The following TRAM2 variants were observed in gnomAD, a reference collection of about 807,000 sequenced individuals.
TRAM2 encodes the protein translocation associated membrane protein 2, also known as translocating chain-associated membrane protein 2.
Under a neutral mutation model 51.0 loss-of-function variants are expected in TRAM2, and 12 were observed. The observed-to-expected ratio is 0.24, with a 90% CI of 0.15 to 0.38. The LOEUF is 0.38. Ranked by LOEUF, TRAM2 falls within the 10% of genes least tolerant of loss-of-function variation. The probability of loss-of-function intolerance (pLI) is 1.00; values close to 1 mark genes in which losing one functional copy is unlikely to be tolerated. For synonymous variants in TRAM2, 175 were observed against 179.4 expected (o/e 0.98, Z 0.20); for missense variants, 361 against 462.0 (o/e 0.78, Z 2.00).
chr6:52,505,872 G>T, intron 8 of TRAM2, 130 bp from the exon 9 acceptor site: 1 of 1,414,756 alleles, frequency 7.1e-7, no homozygotes, highest in Non-Finnish European at 9.6e-7. Context: ...TGAGGGACGA[G>T]ATATCTAAAA....
rs754674541 is a variant in TRAM2, at chr6:52,504,717, A to C, written c.913T>G (p.Trp305Gly). The stretch of plus-strand genomic sequence containing the variant: ...GAGTGGATGAAGCGCCACATGAGCC[A>C]GGCCTGGGCGGCACACACCAGCAGC... Reference protein sequence around the residue: ...VLLLVCAAQAWLMWRFIHSQL... With the variant: ...VLLLVCAAQAGLMWRFIHSQL... Residue 305 changes from tryptophan (W) to glycine (G), a missense_variant, in exon 10 of 11, where the codon TGG becomes GGG. Coordinates refer to ENST00000182527, the MANE Select transcript of TRAM2 (RefSeq NM_012288.4). The C allele has an allele frequency of 2.5e-6, 4 of 1,611,122 alleles. No individual in the cohort carries two copies.
In TRAM2 at chr6:52,502,091, G is replaced by C. The variant is rs1766241655; in HGVS notation, c.*1106C>G. The C allele has an allele frequency of 6.6e-6, 1 of 152,348 alleles. No individual in the cohort carries two copies. Among genetic ancestry groups the C allele is most frequent in the Non-Finnish European group, 1.5e-5 (1 of 68,106 alleles). 9.4% of individuals were successfully genotyped at this position (152,348 alleles called of 1,614,324 possible). ...AAAGAACACTCAACAAGGGCGGCCA[G>C]ATGAACAGCGGTCCAAGTGACCCTC... On this transcript the variant is annotated 3_prime_UTR_variant, in exon 11 of 11. Transcript: ENST00000182527.
chr6:52,559,340 G>C (rs974966272), intron 1 of TRAM2, among the ~76,000 whole-genome samples: 1 of 152,162 alleles, frequency 6.6e-6, no homozygotes, highest in African/African-American at 2.4e-5. Context: ...TCTAGGGCGA[G>C]TGACTTGAAT....
chr6:52,501,923 T>C lies in TRAM2; in HGVS notation c.*1274A>G, dbSNP rs1324900611. ...GCACCAAAAGGACTTGGAGGCCTTC[T>C]CTTCAGGTGGAGGGGAGGGGAAAGA... On this transcript the variant is annotated 3_prime_UTR_variant, in exon 11 of 11. Transcript: ENST00000182527. The C allele has an allele frequency of 6.6e-6, 1 of 152,098 alleles. No individual in the cohort carries two copies. The highest frequency in any genetic ancestry group is 1.9e-4 in the East Asian group (1 of 5,198). 9.4% of individuals were successfully genotyped at this position (152,098 alleles called of 1,614,324 possible).
intron 4 of TRAM2, 78 bp from the exon 5 acceptor site, chr6:52,509,664 C>G: frequency 1.5e-6 from 2 of 1,328,752 alleles, no homozygotes; most frequent in Non-Finnish European, 2.2e-6. Flanking sequence ...GTCCAGGGGT[C>G]AGGGATGCAT....
At chr6:52,556,609 G>A (rs188604794) in intron 1 of TRAM2, among the ~76,000 whole-genome samples, 235 of 151,970 alleles carry the variant, frequency 1.5e-3, no homozygotes, top group Non-Finnish European at 2.3e-3. Context: ...AACAGTCTTC[G>A]TGGGTCAGGC....
intron 1 of TRAM2, among the ~76,000 whole-genome samples, chr6:52,571,450 G>A (rs947859428): frequency 2.6e-5 from 4 of 152,308 alleles, no homozygotes; most frequent in Non-Finnish European, 5.9e-5. Flanking sequence ...CAGCGCCCTC[G>A]AGAAACGAGT....
chr6:52,576,167 G>T (rs1201626797), intron 1 of TRAM2, among the ~76,000 whole-genome samples: 1 of 152,284 alleles, frequency 6.6e-6, no homozygotes. Context: ...GACAGTTCAC[G>T]GAGTGGTAAA....
In TRAM2 at chr6:52,504,691, G is replaced by A; in HGVS notation, c.939C>T (p.Ser313=). 6.2e-7 allele frequency: 1 copy of A among 1,613,322 alleles called. No individual in the cohort carries two copies. The highest frequency in any genetic ancestry group is 8.5e-7 in the Non-Finnish European group (1 of 1,179,846). The change falls in exon 10 of 11, where the codon TCC becomes TCT. Residue 313 remains serine (S), a synonymous_variant. Coordinates refer to ENST00000182527, the MANE Select transcript of TRAM2 (RefSeq NM_012288.4). ...QAWLMWRFIH[S]QLRHWREYWN... ...AGTATTCCCGCCAGTGCCGCAGCTGGGAGTGGATGAAGCGCCACATGAGCC... is the reference window on the plus strand; with the variant it reads ...AGTATTCCCGCCAGTGCCGCAGCTGAGAGTGGATGAAGCGCCACATGAGCC...
At chr6:52,529,053 G>C (rs1044561544) in intron 2 of TRAM2, among the ~76,000 whole-genome samples, 2 of 152,050 alleles carry the variant, frequency 1.3e-5, no homozygotes, top group African/African-American at 2.4e-5. Context: ...ACCACGCCCG[G>C]CTAATTTTTT....
intron 4 of TRAM2, among the ~76,000 whole-genome samples, chr6:52,512,214 A>C (rs751167092): frequency 2.8e-4 from 42 of 152,222 alleles, no homozygotes; most frequent in Non-Finnish European, 4.8e-4. Context: ...AGCAGCACTG[A>C]GAGCAATGTA....
chr6:52,563,426 G>C (rs1767532664), intron 1 of TRAM2, among the ~76,000 whole-genome samples: 1 of 152,086 alleles, frequency 6.6e-6, no homozygotes, highest in Non-Finnish European at 1.5e-5. Context: ...CCAATAAAAA[G>C]TGGTTACTTG....
chr6:52,521,048 G>A (rs985341768), intron 2 of TRAM2, among the ~76,000 whole-genome samples: 4 of 151,866 alleles, frequency 2.6e-5, no homozygotes, highest in Admixed American at 2.0e-4. Flanking sequence ...GATTACAGGC[G>A]CGGGCCACCA....
rs1562492894 is a variant in TRAM2 at position 52,576,940 on chromosome 6, G to C, written c.-25C>G. On this transcript the variant is annotated 5_prime_UTR_variant, in exon 1 of 11. Transcript: ENST00000182527. Reference sequence around the variant, plus strand: ...TGGCAGCGGGCGCGCAGCGGCCGGCGGGGCCCGCACCCTGCGCTCACGAAC... The same window carrying C: ...TGGCAGCGGGCGCGCAGCGGCCGGCCGGGCCCGCACCCTGCGCTCACGAAC... 1 of 1,595,914 alleles carries C rather than the reference G, an allele frequency of 6.3e-7. No individual in the cohort carries two copies. The highest frequency in any genetic ancestry group is 2.3e-5 in the East Asian group (1 of 44,328).
At chr6:52,524,983 A>C (rs1766749841) in intron 2 of TRAM2, 2 of 152,292 alleles carry the variant, frequency 1.3e-5, no homozygotes, top group Non-Finnish European at 2.9e-5. Context: ...TCAGACGCTA[A>C]AGGAACAGAA....
chr6:52,568,616 A>C (rs951260037), intron 1 of TRAM2, among the ~76,000 whole-genome samples: 1 of 152,166 alleles, frequency 6.6e-6, no homozygotes, highest in Non-Finnish European at 1.5e-5. Context: ...CTTAACCTTC[A>C]TGAAAGGAGC....
intron 1 of TRAM2, among the ~76,000 whole-genome samples, chr6:52,560,946 C>T (rs1202809561): frequency 6.6e-5 from 10 of 152,204 alleles, no homozygotes; most frequent in Admixed American, 5.2e-4. Flanking sequence ...CTTGCACACG[C>T]GTGTTCAGAG....
At chr6:52,540,346 G>T (rs867145375) in intron 1 of TRAM2, among the ~76,000 whole-genome samples, 1 of 152,078 alleles carries the variant, frequency 6.6e-6, no homozygotes, top group Non-Finnish European at 1.5e-5. Flanking sequence ...AAGCAGGAAA[G>T]AACACAAAAA....
At chr6:52,555,493 AC>A (rs1407209834) in intron 1 of TRAM2, among the ~76,000 whole-genome samples, 1 of 152,204 alleles carries the variant, frequency 6.6e-6, no homozygotes, top group Non-Finnish European at 1.5e-5. Flanking sequence ...ACAGAGAAAA[AC>A]ACTGGTGCTA....
Sources: allele counts gnomAD v4.1 joint callset (sites outside exome capture counted in the v4.1 genomes callset), GRCh38; gene constraint gnomAD v4.1.1; transcripts MANE v1.5; gene names NCBI Gene and HGNC (gene_info 2026-07-23, HGNC 2026-07-21).